Variants in INPP4B observed in about 807,000 individuals in gnomAD.
INPP4B encodes the protein inositol polyphosphate-4-phosphatase type II B.
INPP4B carries 55 observed loss-of-function variants against 122.5 expected under a neutral mutation model. The observed-to-expected ratio is 0.45, with a 90% CI of 0.36 to 0.56. The LOEUF (loss-of-function observed/expected upper bound fraction) is 0.56, where lower values mean the gene tolerates loss of function less well. Ranked by LOEUF, INPP4B falls within the 20% of genes least tolerant of loss-of-function variation. The probability of loss-of-function intolerance (pLI) is 0.00; values close to 1 mark genes in which losing one functional copy is unlikely to be tolerated. For missense variants in INPP4B, 1,000 were observed against 1,097.7 expected (o/e 0.91, Z 1.26); for synonymous variants, 403 against 388.7 (o/e 1.04, Z -0.43).
At position 142,699,996 on chromosome 4, in the gene INPP4B, A is replaced by G. The variant is rs142120292; in HGVS notation, c.-191+25843T>C. On this transcript the variant is annotated intron_variant, in intron 2 of 25. Transcript: ENST00000262992. ...ATACAAACAATCTATTACTTCTCCC[A>G]TCTTAAAAGAACAAAACAAAAAAAT... Among the ~76,000 whole-genome samples the G allele has an allele frequency of 8.5e-5, 13 of 152,100 alleles. No individual in the cohort carries two copies. The East Asian group carries it at 2.3e-3, about 27-fold the overall frequency.
At chr4:142,061,131 T>G (rs1376839918) in intron 25 of INPP4B, among the ~76,000 whole-genome samples, 1 of 152,178 alleles carries the variant, frequency 6.6e-6, no homozygotes, top group Non-Finnish European at 1.5e-5. Flanking sequence ...GGATCAATAA[T>G]TGGAAGTTAT....
intron 25 of INPP4B, among the ~76,000 whole-genome samples, chr4:142,069,437 G>A (rs1370976598): frequency 1.3e-5 from 2 of 152,162 alleles, no homozygotes; most frequent in Non-Finnish European, 2.9e-5. Flanking sequence ...AGAAGCAAGA[G>A]CAAACACATT....
intron 1 of INPP4B, among the ~76,000 whole-genome samples, chr4:142,740,036 T>C (rs1767676940): frequency 6.6e-6 from 1 of 152,076 alleles, no homozygotes; most frequent in Admixed American, 6.6e-5. Context: ...GTATAAAACA[T>C]AGTATACAAA....
intron 2 of INPP4B, among the ~76,000 whole-genome samples, chr4:142,657,082 C>T (rs1004189647): frequency 1.3e-5 from 2 of 152,152 alleles, no homozygotes; most frequent in African/African-American, 4.8e-5. Flanking sequence ...CTAGCCCTGT[C>T]TCTTAAAGGG....
intron 1 of INPP4B, among the ~76,000 whole-genome samples, chr4:142,728,572 C>A (rs1738991556): frequency 6.6e-6 from 1 of 152,076 alleles, no homozygotes; most frequent in South Asian, 2.1e-4. Flanking sequence ...AGAGATGAGA[C>A]ACAGGGATGG....
At chr4:142,524,079 C>T (rs1457343512) in intron 2 of INPP4B, among the ~76,000 whole-genome samples, 2 of 151,308 alleles carry the variant, frequency 1.3e-5, no homozygotes, top group East Asian at 3.9e-4. Flanking sequence ...TGGGATGGTT[C>T]CAAGTCTTTG....
intron 1 of INPP4B, among the ~76,000 whole-genome samples, chr4:142,747,176 G>GA (rs201955412): frequency 0.36 from 55,092 of 151,802 alleles, 10,201 homozygotes; most frequent in South Asian, 0.48. Flanking sequence ...AAATTTACAA[G>GA]AAAAAATCAA....
chr4:142,555,731 C>T (rs540603340), intron 2 of INPP4B, among the ~76,000 whole-genome samples: 3 of 151,850 alleles, frequency 2.0e-5, no homozygotes, highest in African/African-American at 4.8e-5. Flanking sequence ...ATTAGCCGGG[C>T]GTGGTAGTGG....
intron 7 of INPP4B, among the ~76,000 whole-genome samples, chr4:142,361,984 A>G (rs1785571376): frequency 6.6e-6 from 1 of 152,046 alleles, no homozygotes. Context: ...TAAGAAGGAC[A>G]CATTCTAGTG....
At chr4:142,190,683 A>G (rs1005292648) in intron 15 of INPP4B, among the ~76,000 whole-genome samples, 2 of 151,526 alleles carry the variant, frequency 1.3e-5, no homozygotes, top group African/African-American at 4.8e-5. Context: ...ACATGTTTCT[A>G]CTTTTATCTT....
intron 25 of INPP4B, among the ~76,000 whole-genome samples, chr4:142,081,323 C>T (rs568178505): frequency 1.3e-5 from 2 of 152,306 alleles, no homozygotes; most frequent in South Asian, 2.1e-4. Flanking sequence ...TTTTAATTAA[C>T]GTGTGTCCTT....
intron 8 of INPP4B, among the ~76,000 whole-genome samples, chr4:142,309,556 A>G (rs1180598758): frequency 6.6e-6 from 1 of 151,774 alleles, no homozygotes; most frequent in African/African-American, 2.4e-5. Context: ...TACACATGTC[A>G]CAGAACTAGT....
chr4:142,799,146 A>G (rs1187894673), intron 1 of INPP4B, among the ~76,000 whole-genome samples: 1 of 151,946 alleles, frequency 6.6e-6, no homozygotes, highest in Non-Finnish European at 1.5e-5. Flanking sequence ...CTTAAATTCA[A>G]TCTCCGTTAA....
At chr4:142,278,321 A>G (rs569596529) in intron 9 of INPP4B, among the ~76,000 whole-genome samples, 1 of 152,050 alleles carries the variant, frequency 6.6e-6, no homozygotes, top group East Asian at 1.9e-4. Flanking sequence ...TAGATTAGAC[A>G]CAGCTTGAAA....
At chr4:142,596,394 A>C (rs1370582317) in intron 2 of INPP4B, among the ~76,000 whole-genome samples, 1 of 152,140 alleles carries the variant, frequency 6.6e-6, no homozygotes, top group African/African-American at 2.4e-5. Flanking sequence ...GACCAATGAC[A>C]TATGAAGAAG....
intron 5 of INPP4B, among the ~76,000 whole-genome samples, chr4:142,417,188 C>T (rs1805954235): frequency 1.3e-5 from 2 of 152,136 alleles, no homozygotes; most frequent in South Asian, 4.1e-4. Flanking sequence ...CCTAGGCATA[C>T]AGGAAGTTTC....
chr4:142,569,061 A>G (rs1732244507), intron 2 of INPP4B, among the ~76,000 whole-genome samples: 1 of 152,118 alleles, frequency 6.6e-6, no homozygotes, highest in Non-Finnish European at 1.5e-5. Context: ...TACTATGTAA[A>G]TTTTTAGCCT....
chr4:142,666,634 C>T (rs1466714613), intron 2 of INPP4B, among the ~76,000 whole-genome samples: 2 of 151,764 alleles, frequency 1.3e-5, no homozygotes, highest in African/African-American at 4.8e-5. Context: ...TGGTATTGGC[C>T]TTCTCTGTGT....
chr4:142,462,534 T>C (rs998513187), intron 3 of INPP4B, 129 bp downstream of exon 3: 1 of 152,222 alleles, frequency 6.6e-6, no homozygotes, highest in African/African-American at 2.4e-5. Context: ...ATCTATAACA[T>C]GCAGTCACAC....
Sources: allele counts gnomAD v4.1 joint callset (sites outside exome capture counted in the v4.1 genomes callset), GRCh38; gene constraint gnomAD v4.1.1; transcripts MANE v1.5; gene names NCBI Gene and HGNC (gene_info 2026-07-23, HGNC 2026-07-21).